Variants in HYCC1 observed in about 807,000 individuals in gnomAD.
HYCC1 encodes hyccin PI4KA lipid kinase complex subunit 1, also known as hyccin.
the HYCC1 span, among the ~76,000 whole-genome samples, chr7:22,915,193 G>A: frequency 1.3e-5 from 2 of 152,160 alleles, no homozygotes; most frequent in African/African-American, 4.8e-5. Context: ...CCAAAAATCA[G>A]ATTCCGGCCC....
chr7:22,908,617 C>T, the HYCC1 span, among the ~76,000 whole-genome samples: 2 of 152,280 alleles, frequency 1.3e-5, no homozygotes, highest in East Asian at 3.9e-4. Flanking sequence ...ACCCTGAACA[C>T]CTTTCCAGCC....
the HYCC1 span, among the ~76,000 whole-genome samples, chr7:22,970,440 G>A: frequency 1.3e-5 from 2 of 152,164 alleles, no homozygotes; most frequent in African/African-American, 4.8e-5. Flanking sequence ...AAGCTCTTGT[G>A]ATATAGCAGT....
At chr7:23,012,622 T>C in the HYCC1 span, among the ~76,000 whole-genome samples, 1 of 152,178 alleles carries the variant, frequency 6.6e-6, no homozygotes, top group Admixed American at 6.5e-5. Context: ...TTCCTTGTCT[T>C]TGCCTGCACT....
chr7:22,915,485 C>A, the HYCC1 span, among the ~76,000 whole-genome samples: 1 of 152,234 alleles, frequency 6.6e-6, no homozygotes, highest in Non-Finnish European at 1.5e-5. Context: ...CACTGGAAAT[C>A]AGACTGTCCA....
chr7:23,013,642 G>A, the HYCC1 span, among the ~76,000 whole-genome samples: 3 of 152,070 alleles, frequency 2.0e-5, no homozygotes, highest in Non-Finnish European at 4.4e-5. Context: ...CGCGCACAAA[G>A]CTGCCGCCCT....
At chr7:22,945,641 T>G in the HYCC1 span, 2 of 1,613,716 alleles carry the variant, frequency 1.2e-6, no homozygotes, top group Non-Finnish European at 1.7e-6. Flanking sequence ...CTGACCTGAT[T>G]GATGCTTCAT....
chr7:22,930,259 G>T, the HYCC1 span, among the ~76,000 whole-genome samples: 1 of 149,668 alleles, frequency 6.7e-6, no homozygotes, highest in Non-Finnish European at 1.5e-5. Flanking sequence ...GAGTTAATGG[G>T]TGCAGCACAC....
the HYCC1 span, among the ~76,000 whole-genome samples, chr7:22,922,577 A>G: frequency 6.6e-6 from 1 of 152,224 alleles, no homozygotes. Flanking sequence ...ATTTCTACTA[A>G]ATTCATATCA....
chr7:22,936,699 G>A, the HYCC1 span: 1 of 122,582 alleles, frequency 8.2e-6, no homozygotes, highest in Non-Finnish European at 1.8e-5. Flanking sequence ...GCTCACTTTC[G>A]GTGCAAAGCA....
the HYCC1 span, among the ~76,000 whole-genome samples, chr7:22,910,169 G>A: frequency 6.6e-6 from 1 of 152,204 alleles, no homozygotes; most frequent in Non-Finnish European, 1.5e-5. Context: ...ATGTTGAAAT[G>A]TGATCCTCAA....
chr7:22,995,310 C>T, the HYCC1 span, among the ~76,000 whole-genome samples: 1 of 152,134 alleles, frequency 6.6e-6, no homozygotes, highest in South Asian at 2.1e-4. Flanking sequence ...TAGCTCCTAG[C>T]TCACTGTCAT....
At chr7:22,945,918 C>T in the HYCC1 span, 2 of 1,613,856 alleles carry the variant, frequency 1.2e-6, no homozygotes, top group South Asian at 2.2e-5. Flanking sequence ...TCACTTTGGG[C>T]TCTCTGAGTT....
At chr7:22,946,261 G>T in the HYCC1 span, 3 of 914,612 alleles carry the variant, frequency 3.3e-6, no homozygotes, top group Non-Finnish European at 5.0e-6. Context: ...CATAAATTAA[G>T]CTTTAGCATA....
At chr7:22,918,017 G>A in the HYCC1 span, among the ~76,000 whole-genome samples, 1 of 151,950 alleles carries the variant, frequency 6.6e-6, no homozygotes. Context: ...AAATTGCTGA[G>A]GCCTCAACTT....
chr7:23,006,483 G>A, the HYCC1 span, among the ~76,000 whole-genome samples: 2 of 152,108 alleles, frequency 1.3e-5, no homozygotes, highest in African/African-American at 2.4e-5. Context: ...TAGCCAGGAT[G>A]GTCTCGATCT....
chr7:22,994,573 G>A, the HYCC1 span, among the ~76,000 whole-genome samples: 2 of 152,206 alleles, frequency 1.3e-5, no homozygotes, highest in African/African-American at 4.8e-5. Context: ...TCAGCCCTGG[G>A]TCTCTTATCT....
At chr7:22,995,597 G>A in the HYCC1 span, among the ~76,000 whole-genome samples, 2 of 151,768 alleles carry the variant, frequency 1.3e-5, no homozygotes, top group African/African-American at 4.9e-5. Context: ...AACAAGTAAT[G>A]TAGTACTGCA....
At chr7:22,964,667 A>T in the HYCC1 span, 1 of 642,766 alleles carries the variant, frequency 1.6e-6, no homozygotes, top group African/African-American at 1.8e-5. Context: ...AATCTTTCCA[A>T]ACAGAACATT....
the HYCC1 span, among the ~76,000 whole-genome samples, chr7:22,964,782 C>A: frequency 6.6e-6 from 1 of 152,086 alleles, no homozygotes; most frequent in Non-Finnish European, 1.5e-5. Context: ...CTGGTTAGTT[C>A]GCTAATTTTG....
Sources: allele counts gnomAD v4.1 joint callset (sites outside exome capture counted in the v4.1 genomes callset), GRCh38; gene constraint gnomAD v4.1.1; transcripts MANE v1.5; gene names NCBI Gene and HGNC (gene_info 2026-07-23, HGNC 2026-07-21).